The following ST8SIA1 variants were observed in gnomAD, a reference collection of about 807,000 sequenced individuals.
ST8SIA1 encodes ST8 alpha-N-acetyl-neuraminide alpha-2,8-sialyltransferase 1.
ST8SIA1 carries 16 observed loss-of-function variants against 35.9 expected under a neutral mutation model. The ratio of observed to expected loss-of-function variants is 0.45; its 90% CI spans 0.30 to 0.68. The LOEUF (loss-of-function observed/expected upper bound fraction) is 0.68. Ranked by LOEUF, ST8SIA1 falls within the 30% of genes least tolerant of loss-of-function variation. The pLI is 0.09. For synonymous variants in ST8SIA1, 170 were observed against 169.6 expected, an observed-to-expected ratio of 1.00 and a Z score of -0.02; for missense variants, 383 against 453.6, an observed-to-expected ratio of 0.84 and a Z score of 1.41.
At chr12:22,317,617 G>A (rs925774694) in intron 1 of ST8SIA1, among the ~76,000 whole-genome samples, 1 of 152,208 alleles carries the variant, frequency 6.6e-6, no homozygotes, top group African/African-American at 2.4e-5. Flanking sequence ...TCATAGCATG[G>A]CAGCTGGTTT....
At chr12:22,234,137 G>A (rs1489886810) in intron 4 of ST8SIA1, among the ~76,000 whole-genome samples, 1 of 151,812 alleles carries the variant, frequency 6.6e-6, no homozygotes, top group Middle Eastern at 3.2e-3. Flanking sequence ...GTGGGTGCCT[G>A]TAATTCCAGC....
At chr12:22,280,820 C>T (rs1057188404) in intron 2 of ST8SIA1, among the ~76,000 whole-genome samples, 1 of 152,204 alleles carries the variant, frequency 6.6e-6, no homozygotes, top group Admixed American at 6.5e-5. Flanking sequence ...TCCTGCTCTT[C>T]TCAGTTACAC....
At chr12:22,249,220 G>GTTT (rs878946392) in intron 3 of ST8SIA1, 122 bp from the exon 4 acceptor site, 122 of 439,972 alleles carry the variant, frequency 2.8e-4, no homozygotes, top group East Asian at 6.4e-4. Flanking sequence ...TTTGTTTTTT[G>GTTT]TTTTTTTTTT....
Position 22,221,205 on chromosome 12 carries a change from T to G in ST8SIA1, c.585-19167A>C, listed in dbSNP as rs570607206. Among the ~76,000 whole-genome samples, 480 of 151,786 alleles carry G rather than the reference T, an allele frequency of 3.2e-3. 3 individuals are homozygous for G. The highest frequency in any genetic ancestry group is 0.02 in the Middle Eastern group (6 of 294). ...AATACCACTACCCTAACTTTCCAAT[T>G]TACATCATCACCTGGAAAGAAAAAA... On this transcript the variant is annotated intron_variant, in intron 4 of 4. Transcript: ENST00000396037.
At chr12:22,276,314 C>T (rs558224910) in intron 2 of ST8SIA1, among the ~76,000 whole-genome samples, 54 of 152,334 alleles carry the variant, frequency 3.5e-4, no homozygotes, top group African/African-American at 1.3e-3. Context: ...CATAAAGACC[C>T]ATGTAACTAA....
At chr12:22,280,926 T>C (rs1338408977) in intron 2 of ST8SIA1, among the ~76,000 whole-genome samples, 1 of 152,254 alleles carries the variant, frequency 6.6e-6, no homozygotes. Context: ...TCTTTTACTT[T>C]ACTGTAATTA....
At chr12:22,312,324 TTTTA>T (rs1308904586) in intron 1 of ST8SIA1, among the ~76,000 whole-genome samples, 2 of 152,188 alleles carry the variant, frequency 1.3e-5, no homozygotes, top group Non-Finnish European at 2.9e-5. Context: ...AGACTTTGAT[TTTTA>T]TTTGTGATGG....
At chr12:22,286,583 C>T (rs926967666) in intron 2 of ST8SIA1, 2 of 490,160 alleles carry the variant, frequency 4.1e-6, no homozygotes, top group African/African-American at 2.0e-5. Context: ...ATTAGAAAAA[C>T]ATTTTATTTC....
intron 2 of ST8SIA1, among the ~76,000 whole-genome samples, chr12:22,278,900 T>G (rs1017426551): frequency 6.6e-6 from 1 of 152,208 alleles, no homozygotes; most frequent in African/African-American, 2.4e-5. Flanking sequence ...TGCCCATCTA[T>G]CCTAAATTTT....
chr12:22,288,131 C>CA (rs1182176631), intron 1 of ST8SIA1, among the ~76,000 whole-genome samples: 1 of 152,206 alleles, frequency 6.6e-6, no homozygotes, highest in Non-Finnish European at 1.5e-5. Flanking sequence ...TACGACCCTC[C>CA]AATTAACAAT....
At chr12:22,225,848 A>G (rs1341903487) in intron 4 of ST8SIA1, among the ~76,000 whole-genome samples, 1 of 152,134 alleles carries the variant, frequency 6.6e-6, no homozygotes, top group Admixed American at 6.6e-5. Flanking sequence ...ACCTCAATTT[A>G]CCTTTTATCA....
chr12:22,334,224 G>T lies in ST8SIA1; in HGVS notation c.9C>A (p.Pro3=), dbSNP rs746330964. ...ACGTTTGTCGCCGGGCCCGCCCGCA[G>T]GGGCTCATCGCAGCCCCGGCGTCCC... is the stretch of plus-strand genomic sequence containing the variant. The part of the protein sequence containing the change: MS[P]CGRARRQTSR... The change falls in exon 1 of 5, where the codon CCC becomes CCA. Residue 3 remains proline, a synonymous_variant. Coordinates refer to ENST00000396037, the MANE Select transcript of ST8SIA1 (RefSeq NM_003034.4). 1.9e-6 allele frequency: 3 copies of T among 1,611,476 alleles called. No individual in the cohort carries two copies. The Admixed American group carries it at 5.0e-5, about 27-fold the overall frequency.
At chr12:22,204,106 T>C (rs1865079587) in intron 4 of ST8SIA1, among the ~76,000 whole-genome samples, 1 of 151,900 alleles carries the variant, frequency 6.6e-6, no homozygotes. Flanking sequence ...TGCTCCATCT[T>C]CCCCTCTGTA....
Position 22,218,249 on chromosome 12 carries a change from G to A in ST8SIA1, c.585-16211C>T, listed in dbSNP as rs144538026. Among the ~76,000 whole-genome samples the A allele has an allele frequency of 6.8e-3, 1,031 of 152,122 alleles. 8 individuals are homozygous for A. The highest frequency in any genetic ancestry group is 0.017 in the Middle Eastern group (5 of 292). ...TGAGACACAAGAATTGCTTGAACCTGGGAGGCAGAGGTTGCAGTGGGCCGA... is the reference window on the plus strand; with the variant it reads ...TGAGACACAAGAATTGCTTGAACCTAGGAGGCAGAGGTTGCAGTGGGCCGA... On this transcript the variant is annotated intron_variant, in intron 4 of 4. Transcript: ENST00000396037.
intron 1 of ST8SIA1, among the ~76,000 whole-genome samples, chr12:22,305,081 C>T (rs1866367857): frequency 6.6e-6 from 1 of 152,132 alleles, no homozygotes. Context: ...ATAGGAAAAA[C>T]ACAAAAGAAG....
rs566500304 is a variant in ST8SIA1, at chr12:22,219,117, T to C, written c.585-17079A>G. ...ACTGATAGAACTATTTGCATTAGCA[T>C]TGAAAGCTTTAATATATTACATATT... On this transcript the variant is annotated intron_variant, in intron 4 of 4. Transcript: ENST00000396037. Among the ~76,000 whole-genome samples the C allele has an allele frequency of 2.6e-5, 4 of 152,254 alleles. No individual in the cohort carries two copies. In the South Asian group the frequency reaches 6.2e-4, roughly 24 times the overall value.
chr12:22,324,466 A>T (rs1451391176), intron 1 of ST8SIA1: 1 of 152,200 alleles, frequency 6.6e-6, no homozygotes, highest in East Asian at 1.9e-4. Flanking sequence ...ATTTGTATCT[A>T]TCCTAACAAT....
intron 2 of ST8SIA1, among the ~76,000 whole-genome samples, chr12:22,280,723 C>T (rs1249268619): frequency 1.3e-5 from 2 of 152,204 alleles, no homozygotes; most frequent in East Asian, 3.9e-4. Flanking sequence ...TTCTGAGCAA[C>T]TCCATTGCAC....
At chr12:22,306,561 T>C (rs931692024) in intron 1 of ST8SIA1, among the ~76,000 whole-genome samples, 2 of 152,204 alleles carry the variant, frequency 1.3e-5, no homozygotes, top group African/African-American at 4.8e-5. Flanking sequence ...ACTTTCAGTG[T>C]TTCTATTCAG....
Sources: gnomAD v4.1 joint callset for allele counts (sites outside exome capture counted in the v4.1 genomes callset) on GRCh38, gnomAD v4.1.1 for gene constraint, MANE v1.5 for transcripts, NCBI Gene and HGNC (gene_info 2026-07-23, HGNC 2026-07-21) for gene names.